The following PCDH17 variants were observed in gnomAD, a reference collection of about 807,000 sequenced individuals.
PCDH17 encodes the protein protocadherin-17.
In PCDH17, 21 loss-of-function variants were observed where a neutral mutation model predicts 67.7. That is an observed-to-expected ratio of 0.31 (90% CI 0.22 to 0.45). The LOEUF (loss-of-function observed/expected upper bound fraction) is 0.45. PCDH17 is among the 20% of genes least tolerant of loss of function. The pLI is 1.00. For synonymous variants in PCDH17, 701 were observed against 656.7 expected (o/e 1.07, Z -1.03); for missense variants, 1,471 against 1,564.8 (o/e 0.94, Z 1.01).
chr13:57,701,622 C>T (rs1219124222), intron 3 of PCDH17, among the ~76,000 whole-genome samples: 3 of 151,842 alleles, frequency 2.0e-5, no homozygotes, highest in Admixed American at 1.3e-4. Flanking sequence ...TAATTTTATT[C>T]TTCAGAAAAA....
chr13:57,685,795 C>T (rs932935265), intron 3 of PCDH17, among the ~76,000 whole-genome samples: 17 of 151,840 alleles, frequency 1.1e-4, no homozygotes, highest in Admixed American at 3.3e-4. Context: ...CAGTAAAGTA[C>T]GGAATTTAGG....
intron 3 of PCDH17, among the ~76,000 whole-genome samples, chr13:57,689,435 T>C (rs556177572): frequency 6.6e-6 from 1 of 152,140 alleles, no homozygotes; most frequent in South Asian, 2.1e-4. Flanking sequence ...AGAGGGATTG[T>C]ATTGGACTTC....
rs370854578 is a variant in PCDH17, at chr13:57,666,499, T to A, written c.2597T>A (p.Met866Lys). Residue 866 changes from methionine (M) to lysine (K), a missense_variant, in exon 2 of 4, where the codon ATG becomes AAG. Around this residue, in one of 3 missense-constraint regions of PCDH17, gnomAD observed 1,163 missense variants for 1,230.0 expected, o/e 0.95. Transcript: ENST00000377918. ...AATTTTCCCGCAGAGCCCAATTACA[T>A]GGGCAGCAGGCAGCAGTTTGTTCAA... ...TDNFPAEPNY[M>K]GSRQQFVQSS... The A allele has an allele frequency of 3.7e-6, 6 of 1,613,996 alleles. No homozygotes were observed. Among genetic ancestry groups the A allele is most frequent in the Non-Finnish European group, 5.1e-6 (6 of 1,179,902 alleles).
At chr13:57,669,479 AT>A (rs1265727687) in intron 3 of PCDH17, among the ~76,000 whole-genome samples, 1 of 148,452 alleles carries the variant, frequency 6.7e-6, no homozygotes, top group East Asian at 2.0e-4. Flanking sequence ...ATATCTCTTT[AT>A]CTATCTTTTT....
chr13:57,686,623 G>A (rs897116149), intron 3 of PCDH17, among the ~76,000 whole-genome samples: 1 of 151,850 alleles, frequency 6.6e-6, no homozygotes, highest in Admixed American at 6.6e-5. Flanking sequence ...GCAATTAGAT[G>A]GATATGACAT....
In PCDH17 at chr13:57,722,340, A is replaced by G. The variant is rs374134129; in HGVS notation, c.2798-2272A>G. Among the ~76,000 whole-genome samples, 107 of 152,312 alleles carry G rather than the reference A, an allele frequency of 7.0e-4. No individual in the cohort carries two copies. In the East Asian group the frequency reaches 0.012, roughly 16 times the overall value. ...GAAACTACATTAGCATATTTCAAAG[A>G]CAGTGTATGAGTTATAAATGAATTT... On this transcript the variant is annotated intron_variant, in intron 3 of 3. Transcript: ENST00000377918.
intron 3 of PCDH17, among the ~76,000 whole-genome samples, chr13:57,684,942 T>C (rs1336556393): frequency 1.3e-5 from 2 of 151,978 alleles, no homozygotes; most frequent in Non-Finnish European, 2.9e-5. Context: ...AGTTCAATAA[T>C]GTCAAACTAC....
At position 57,632,812 on chromosome 13, in the gene PCDH17, G is replaced by A; in HGVS notation, c.266G>A (p.Arg89His). ...ADSGLLYTKQ[R>H]IDRESLCRHN... is the part of the protein sequence containing the mutation. ...AGCGGGCTCCTCTACACCAAGCAGC[G>A]CATCGACCGCGAGTCCCTGTGCCGC... Residue 89 changes from arginine (R) to histidine (H), a missense_variant, in exon 1 of 4, where the codon CGC (arginine) becomes CAC (histidine). By Grantham distance (29) the Arg-to-His change is conservative. Around this residue, in one of 3 missense-constraint regions of PCDH17, gnomAD observed 1,163 missense variants for 1,230.0 expected, o/e 0.95. Coordinates refer to ENST00000377918, the MANE Select transcript of PCDH17 (RefSeq NM_001040429.3). 2 of 1,613,524 alleles carry A rather than the reference G, an allele frequency of 1.2e-6. No homozygotes were observed. The highest frequency in any genetic ancestry group is 1.7e-6 in the Non-Finnish European group (2 of 1,179,962).
intron 3 of PCDH17, among the ~76,000 whole-genome samples, chr13:57,679,289 A>G (rs1260403074): frequency 6.6e-6 from 1 of 151,384 alleles, no homozygotes; most frequent in Non-Finnish European, 1.5e-5. Context: ...GACTACGAAG[A>G]CACATTATTT....
At chr13:57,721,441 A>G (rs573304226) in intron 3 of PCDH17, among the ~76,000 whole-genome samples, 1 of 151,978 alleles carries the variant, frequency 6.6e-6, no homozygotes, top group Admixed American at 6.6e-5. Flanking sequence ...TCCATAGCTT[A>G]TAATTTAACA....
intron 1 of PCDH17, among the ~76,000 whole-genome samples, chr13:57,663,575 G>C (rs1180464210): frequency 1.3e-5 from 2 of 152,020 alleles, no homozygotes; most frequent in Non-Finnish European, 2.9e-5. Flanking sequence ...TTGGAGTCTA[G>C]ATAATGAAAA....
At position 57,648,416 on chromosome 13, in the gene PCDH17, CT is replaced by C. The variant is rs1262124329; in HGVS notation, c.2565+13308del. Among the ~76,000 whole-genome samples, 4 of 151,982 alleles carry C rather than the reference CT, an allele frequency of 2.6e-5. No individual in the cohort carries two copies. In the East Asian group the frequency reaches 7.7e-4, roughly 29 times the overall value. ...ATAATTGGAAATTTTATTCATTGAC[CT>C]TTAGCTGCCATTTTGGACAACAGTT... On this transcript the variant is annotated intron_variant, in intron 1 of 3. Coordinates refer to ENST00000377918, the MANE Select transcript of PCDH17 (RefSeq NM_001040429.3).
intron 3 of PCDH17, among the ~76,000 whole-genome samples, chr13:57,685,469 C>T (rs1038985251): frequency 2.6e-5 from 4 of 151,974 alleles, no homozygotes; most frequent in African/African-American, 7.2e-5. Context: ...AAGCCTAATT[C>T]CTGATCTCTT....
At chr13:57,666,430 T>C in intron 1 of PCDH17, 38 bp from the exon 2 acceptor site, 1 of 1,517,232 alleles carries the variant, frequency 6.6e-7, no homozygotes, top group Non-Finnish European at 9.2e-7. Flanking sequence ...ATTTGTCCAG[T>C]GTACAACTAT....
intron 3 of PCDH17, among the ~76,000 whole-genome samples, chr13:57,695,368 G>T (rs992386860): frequency 1.3e-5 from 2 of 150,778 alleles, no homozygotes; most frequent in Non-Finnish European, 3.0e-5. Flanking sequence ...CTGCCAAATT[G>T]GAGTTTTCAT....
At chr13:57,679,228 A>G (rs1282099300) in intron 3 of PCDH17, among the ~76,000 whole-genome samples, 1 of 151,440 alleles carries the variant, frequency 6.6e-6, no homozygotes, top group South Asian at 2.1e-4. Context: ...AAAATTCTTG[A>G]CAAGTTATAT....
At chr13:57,669,344 A>T (rs960295570) in intron 3 of PCDH17, among the ~76,000 whole-genome samples, 2 of 151,954 alleles carry the variant, frequency 1.3e-5, no homozygotes, top group Non-Finnish European at 2.9e-5. Context: ...CTAATTACAG[A>T]TGGGTGATCT....
intron 3 of PCDH17, among the ~76,000 whole-genome samples, chr13:57,678,881 G>A (rs548711734): frequency 6.6e-6 from 1 of 151,456 alleles, no homozygotes; most frequent in South Asian, 2.1e-4. Context: ...ATGATATTTA[G>A]GCATATAATT....
chr13:57,666,011 A>T (rs983854588), intron 1 of PCDH17, among the ~76,000 whole-genome samples: 4 of 152,158 alleles, frequency 2.6e-5, no homozygotes, highest in Non-Finnish European at 4.4e-5. Context: ...TGCATCTCTT[A>T]ATTGAGGAGT....
Sources: allele counts gnomAD v4.1 joint callset (sites outside exome capture counted in the v4.1 genomes callset), GRCh38; gene constraint gnomAD v4.1.1; regional missense constraint gnomAD v4.1.1; transcripts MANE v1.5; gene names NCBI Gene and HGNC (gene_info 2026-07-23, HGNC 2026-07-21).